SCFD2: variants seen among roughly 807,000 people sequenced by gnomAD.
The protein encoded by SCFD2 is sec1 family domain-containing protein 2.
Under a neutral mutation model 58.9 loss-of-function variants are expected in SCFD2, and 54 were observed. The observed-to-expected ratio is 0.92, with a 90% CI of 0.74 to 1.15. SCFD2 has a LOEUF of 1.15. Ranked by LOEUF, SCFD2 falls within the 50% of genes most tolerant of loss-of-function variation. The pLI is 0.00. For synonymous variants in SCFD2, 321 were observed against 335.9 expected (o/e 0.96, Z 0.49); for missense variants, 805 against 836.6 (o/e 0.96, Z 0.47).
At chr4:53,207,571 TATTTA>T (rs1319954035) in intron 4 of SCFD2, among the ~76,000 whole-genome samples, 3 of 1,430 alleles carry the variant, frequency 2.1e-3, no homozygotes, top group Admixed American at 0.016. Flanking sequence ...ATATATATAA[TATTTA>T]TATATATATA....
At chr4:53,147,408 T>C (rs1167419627) in intron 4 of SCFD2, among the ~76,000 whole-genome samples, 1 of 152,202 alleles carries the variant, frequency 6.6e-6, no homozygotes, top group Non-Finnish European at 1.5e-5. Context: ...AGGTTAAGGT[T>C]CACGATTATA....
chr4:53,172,390 G>A (rs1036993927), intron 4 of SCFD2, among the ~76,000 whole-genome samples: 1 of 151,956 alleles, frequency 6.6e-6, no homozygotes, highest in Non-Finnish European at 1.5e-5. Context: ...CTAACTTTTG[G>A]CTTAGTTTGT....
At chr4:53,322,977 AC>A (rs1188934102) in intron 2 of SCFD2, among the ~76,000 whole-genome samples, 1 of 152,180 alleles carries the variant, frequency 6.6e-6, no homozygotes, top group Non-Finnish European at 1.5e-5. Flanking sequence ...TGCCTGCTTC[AC>A]CCTTCTGTCA....
intron 5 of SCFD2, among the ~76,000 whole-genome samples, chr4:53,145,071 C>T (rs1163237655): frequency 6.6e-6 from 1 of 152,116 alleles, no homozygotes; most frequent in Non-Finnish European, 1.5e-5. Flanking sequence ...CCTTATGAGA[C>T]TCTAACTAAT....
At chr4:53,062,637 G>A (rs1723547278) in intron 5 of SCFD2, among the ~76,000 whole-genome samples, 1 of 152,092 alleles carries the variant, frequency 6.6e-6, no homozygotes, top group Non-Finnish European at 1.5e-5. Flanking sequence ...TGGGAGTGGG[G>A]AGAACAGTGC....
At chr4:53,023,123 C>A (rs184214681) in intron 5 of SCFD2, among the ~76,000 whole-genome samples, 5 of 152,242 alleles carry the variant, frequency 3.3e-5, no homozygotes, top group African/African-American at 1.2e-4. Context: ...TACTTAGACT[C>A]ATGGGTACGT....
At chr4:53,007,114 C>A (rs1721985727) in intron 5 of SCFD2, among the ~76,000 whole-genome samples, 2 of 151,464 alleles carry the variant, frequency 1.3e-5, no homozygotes, top group Non-Finnish European at 2.9e-5. Flanking sequence ...GACCCTGTCT[C>A]TAAAAAAAAA....
intron 5 of SCFD2, among the ~76,000 whole-genome samples, chr4:53,027,403 C>G (rs1478681954): frequency 6.6e-6 from 1 of 152,162 alleles, no homozygotes; most frequent in Non-Finnish European, 1.5e-5. Flanking sequence ...TTAGAGAAAT[C>G]TCTCCCAGCC....
chr4:53,301,336 A>G (rs1732282507), intron 3 of SCFD2, among the ~76,000 whole-genome samples: 1 of 152,238 alleles, frequency 6.6e-6, no homozygotes, highest in African/African-American at 2.4e-5. Flanking sequence ...ATGCAAATAA[A>G]CTAGAAAATC....
rs368793987 is a variant in SCFD2, at chr4:53,327,484, T to C, written c.1008-13721A>G. ...GGCAGCCCAGAGCAGGTGAGCAGAC[T>C]GAGAAGGGTGAAGAGGACTCCAGTG... On this transcript the variant is annotated intron_variant, in intron 2 of 8. Transcript: ENST00000401642. Among the ~76,000 whole-genome samples, 44 of 152,124 alleles carry C rather than the reference T, an allele frequency of 2.9e-4. No individual in the cohort carries two copies. In the South Asian group the frequency reaches 8.3e-3, roughly 29 times the overall value.
chr4:53,083,747 G>A (rs1275682993), intron 5 of SCFD2, among the ~76,000 whole-genome samples: 2 of 152,162 alleles, frequency 1.3e-5, no homozygotes, highest in Non-Finnish European at 2.9e-5. Context: ...ATATCAGTAG[G>A]ACTGTGATGC....
chr4:52,907,609 T>G lies in SCFD2; in HGVS notation c.1708-18A>C. 6.2e-7 allele frequency: 1 copy of G among 1,613,248 alleles called. No homozygotes were observed. The highest frequency in any genetic ancestry group is 1.3e-5 in the African/African-American group (1 of 75,024). ...TAAGATGCCTGGAAAGACAAAATAC[T>G]ATGAGTAAAGGGATTGTTTGGTTTG... On this transcript the variant is annotated intron_variant, in intron 6 of 8. Transcript: ENST00000401642.
chr4:53,011,939 G>C (rs751322428), intron 5 of SCFD2, among the ~76,000 whole-genome samples: 20 of 151,666 alleles, frequency 1.3e-4, no homozygotes, highest in Non-Finnish European at 2.5e-4. Context: ...AAAAGGTTCT[G>C]GGAACACAAA....
intron 1 of SCFD2, among the ~76,000 whole-genome samples, chr4:53,364,731 CA>C (rs1560467011): frequency 6.6e-6 from 1 of 151,842 alleles, no homozygotes; most frequent in East Asian, 1.9e-4. Flanking sequence ...TCCAACAAAC[CA>C]GAGTCTTCTT....
intron 5 of SCFD2, among the ~76,000 whole-genome samples, chr4:52,954,256 G>A (rs149608444): frequency 2.6e-4 from 39 of 152,274 alleles, no homozygotes; most frequent in Non-Finnish European, 5.0e-4. Flanking sequence ...TGGAGGACCG[G>A]GCTTGATGGG....
At chr4:53,217,417 G>T (rs1728884819) in intron 4 of SCFD2, among the ~76,000 whole-genome samples, 1 of 152,092 alleles carries the variant, frequency 6.6e-6, no homozygotes, top group Non-Finnish European at 1.5e-5. Flanking sequence ...TGTCTCTTTT[G>T]ATCTTTGTTG....
chr4:52,976,183 T>A (rs1371569950), intron 5 of SCFD2, among the ~76,000 whole-genome samples: 2 of 151,864 alleles, frequency 1.3e-5, no homozygotes, highest in Non-Finnish European at 2.9e-5. Context: ...ATAAAAAAAA[T>A]TGGTTGTTTC....
chr4:53,120,679 T>C (rs4864723), intron 5 of SCFD2, among the ~76,000 whole-genome samples: 91,285 of 151,978 alleles, frequency 0.6, 29,443 homozygotes, highest in Non-Finnish European at 0.72. Context: ...TCAGGCGTCA[T>C]ACCCAACTGA....
intron 4 of SCFD2, among the ~76,000 whole-genome samples, chr4:53,149,812 A>C (rs74402668): frequency 0.021 from 3,174 of 152,274 alleles, 43 homozygotes; most frequent in Middle Eastern, 0.048. Context: ...AAACATCAGA[A>C]AAATCCCAAC....
Sources: gnomAD v4.1 joint callset for allele counts (sites outside exome capture counted in the v4.1 genomes callset) on GRCh38, gnomAD v4.1.1 for gene constraint, MANE v1.5 for transcripts, NCBI Gene and HGNC (gene_info 2026-07-23, HGNC 2026-07-21) for gene names.